Variants in RPS6KA2 observed in about 807,000 individuals in gnomAD.
RPS6KA2 encodes the protein ribosomal protein S6 kinase alpha-2.
In RPS6KA2, 42 loss-of-function variants were observed where a neutral mutation model predicts 91.8. The observed-to-expected ratio is 0.46, with a 90% CI of 0.36 to 0.59. RPS6KA2 has a LOEUF of 0.59. Ranked by LOEUF, RPS6KA2 falls within the 20% of genes least tolerant of loss-of-function variation. The pLI is 0.00. For synonymous variants in RPS6KA2, 414 were observed against 393.6 expected (o/e 1.05, Z -0.61); for missense variants, 798 against 978.5 (o/e 0.82, Z 2.46).
intron 3 of RPS6KA2, among the ~76,000 whole-genome samples, chr6:166,522,463 T>G (rs1458216354): frequency 6.6e-6 from 1 of 152,234 alleles, no homozygotes; most frequent in Non-Finnish European, 1.5e-5. Context: ...CCTGAAGGCC[T>G]GGCAGTCAGA....
chr6:166,455,419 G>C (rs932482497), intron 12 of RPS6KA2, among the ~76,000 whole-genome samples: 6 of 152,092 alleles, frequency 3.9e-5, no homozygotes, highest in African/African-American at 1.4e-4. Flanking sequence ...ATGGACCCGG[G>C]CTCATCTTCA....
chr6:166,667,680 T>C (rs1375952751), intron 2 of RPS6KA2, among the ~76,000 whole-genome samples: 1 of 152,188 alleles, frequency 6.6e-6, no homozygotes, highest in Non-Finnish European at 1.5e-5. Context: ...CCTGCAATTG[T>C]GGAAACTCAG....
At chr6:166,617,876 G>A (rs1176487154) in intron 1 of RPS6KA2, among the ~76,000 whole-genome samples, 4 of 152,222 alleles carry the variant, frequency 2.6e-5, no homozygotes, top group African/African-American at 7.2e-5. Flanking sequence ...CCTTCCTTCT[G>A]CACAAGCTTC....
At chr6:166,818,546 T>C (rs1779827738) in intron 2 of RPS6KA2, among the ~76,000 whole-genome samples, 1 of 152,216 alleles carries the variant, frequency 6.6e-6, no homozygotes, top group Non-Finnish European at 1.5e-5. Flanking sequence ...TCCCTTTCTA[T>C]TTCTCAGGAA....
intron 2 of RPS6KA2, among the ~76,000 whole-genome samples, chr6:166,640,425 TA>T (rs1245092226): frequency 1.6e-4 from 24 of 152,212 alleles, no homozygotes; most frequent in Admixed American, 1.1e-3. Flanking sequence ...GAGCTGAGAA[TA>T]GCCCGTGTGG....
chr6:166,855,057 C>T (rs550999430), intron 2 of RPS6KA2, among the ~76,000 whole-genome samples: 1 of 152,290 alleles, frequency 6.6e-6, no homozygotes, highest in South Asian at 2.1e-4. Context: ...GTGGTTGGAA[C>T]CGGAGGCCAT....
At chr6:166,709,578 T>A (rs1243513676) in intron 2 of RPS6KA2, among the ~76,000 whole-genome samples, 1 of 152,244 alleles carries the variant, frequency 6.6e-6, no homozygotes, top group Non-Finnish European at 1.5e-5. Flanking sequence ...TCTTTCTTCA[T>A]AAAAGTCAGA....
intron 17 of RPS6KA2, among the ~76,000 whole-genome samples, chr6:166,420,184 A>G (rs944907023): frequency 3.3e-5 from 5 of 152,218 alleles, no homozygotes; most frequent in African/African-American, 9.6e-5. Flanking sequence ...TTCCAGACAC[A>G]TGACAGACAG....
chr6:166,780,269 G>C (rs2128610050), intron 2 of RPS6KA2, among the ~76,000 whole-genome samples: 1 of 152,378 alleles, frequency 6.6e-6, no homozygotes, highest in East Asian at 1.9e-4. Flanking sequence ...CTGAGAGGCA[G>C]TCACCTCGGA....
At chr6:166,601,003 G>C (rs1036384166) in intron 1 of RPS6KA2, among the ~76,000 whole-genome samples, 3 of 152,056 alleles carry the variant, frequency 2.0e-5, no homozygotes, top group Non-Finnish European at 4.4e-5. Context: ...CTTATACTCA[G>C]CTCAAAAAGA....
chr6:166,586,391 GT>G (rs1785175918), intron 1 of RPS6KA2: 2 of 1,599,744 alleles, frequency 1.3e-6, no homozygotes, highest in Non-Finnish European at 1.7e-6. Context: ...GGCGTTTCAG[GT>G]ATTCCTGATA....
At chr6:166,436,168 G>A (rs1267232673) in intron 14 of RPS6KA2, among the ~76,000 whole-genome samples, 1 of 152,146 alleles carries the variant, frequency 6.6e-6, no homozygotes, top group African/African-American at 2.4e-5. Context: ...GCCAGGCAAG[G>A]GACTAAGCAG....
chr6:166,572,493 G>A (rs1784718298), intron 1 of RPS6KA2, among the ~76,000 whole-genome samples: 1 of 152,264 alleles, frequency 6.6e-6, no homozygotes, highest in African/African-American at 2.4e-5. Context: ...CAAGTGGCTG[G>A]TGACGTATTT....
At chr6:166,680,563 C>T (rs992595473) in intron 2 of RPS6KA2, among the ~76,000 whole-genome samples, 1 of 152,182 alleles carries the variant, frequency 6.6e-6, no homozygotes, top group African/African-American at 2.4e-5. Flanking sequence ...AGGTTTGCAG[C>T]TTCACTCCTG....
At chr6:166,571,403 A>T (rs1375452374) in intron 1 of RPS6KA2, among the ~76,000 whole-genome samples, 1 of 152,274 alleles carries the variant, frequency 6.6e-6, no homozygotes, top group Non-Finnish European at 1.5e-5. Context: ...AAAGACAATG[A>T]TTTAGCTACA....
rs148026474 is a variant in RPS6KA2 at position 166,821,749 on chromosome 6, A to G, written c.123+36451T>C. 1.7e-3 allele frequency among the ~76,000 whole-genome samples: 264 copies of G among 152,216 alleles called. No individual in the cohort carries two copies. Among genetic ancestry groups the G allele is most frequent in the Middle Eastern group, 0.01 (3 of 294 alleles). On this transcript the variant is annotated intron_variant, in intron 2 of 21. Transcript: ENST00000503859. This position sits in a 1 kb window ranked among gnomAD's most constrained non-coding sequence, Gnocchi z 4.1. ...ACCATGTTTGCTGAGGATGCCCAGT[A>G]GTAAGGCCCTGACCCTTCTGTGACC... is the stretch of plus-strand genomic sequence containing the variant.
intron 12 of RPS6KA2, among the ~76,000 whole-genome samples, chr6:166,457,153 G>A (rs1176764425): frequency 2.0e-5 from 3 of 152,214 alleles, no homozygotes; most frequent in Non-Finnish European, 2.9e-5. Context: ...ATGTGTGCAC[G>A]TTCTGTTAGG....
At chr6:166,590,876 AGT>A (rs1785334444) in intron 1 of RPS6KA2, among the ~76,000 whole-genome samples, 1 of 152,236 alleles carries the variant, frequency 6.6e-6, no homozygotes, top group African/African-American at 2.4e-5. Flanking sequence ...CACGACTTAG[AGT>A]AAGGCCTTGC....
chr6:166,683,142 A>C (rs1013545560), intron 2 of RPS6KA2, among the ~76,000 whole-genome samples: 1 of 152,180 alleles, frequency 6.6e-6, no homozygotes, highest in African/African-American at 2.4e-5. Flanking sequence ...AACATGCAAC[A>C]TGACTCTTTC....
Sources: allele counts gnomAD v4.1 joint callset (sites outside exome capture counted in the v4.1 genomes callset), GRCh38; gene constraint gnomAD v4.1.1; non-coding constraint Gnocchi (gnomAD v3.1); transcripts MANE v1.5; gene names NCBI Gene and HGNC (gene_info 2026-07-23, HGNC 2026-07-21).